Variants in RSF1 observed in about 807,000 individuals in gnomAD.
RSF1 encodes the protein HBV pX-associated protein 8.
Under a neutral mutation model 145.2 loss-of-function variants are expected in RSF1, and 13 were observed. The ratio of observed to expected loss-of-function variants is 0.09; its 90% CI spans 0.06 to 0.14. The LOEUF (loss-of-function observed/expected upper bound fraction) is 0.14. Ranked by LOEUF, RSF1 falls within the 10% of genes least tolerant of loss-of-function variation. RSF1 has a pLI of 1.00. For synonymous variants in RSF1, 577 were observed against 592.6 expected (o/e 0.97, Z 0.38); for missense variants, 1,517 against 1,718.2 (o/e 0.88, Z 2.07).
At chr11:77,803,459 T>C (rs530478606) in intron 1 of RSF1, among the ~76,000 whole-genome samples, 11 of 148,486 alleles carry the variant, frequency 7.4e-5, no homozygotes, top group African/African-American at 2.7e-4. Flanking sequence ...GAGTGAGTTC[T>C]ATCACAAAAC....
intron 1 of RSF1, among the ~76,000 whole-genome samples, chr11:77,768,648 C>T (rs1948251315): frequency 6.6e-6 from 1 of 151,960 alleles, no homozygotes. Flanking sequence ...TAGTGTAGAC[C>T]CAGCATGCTT....
chr11:77,869,287 G>A, the RSF1 span: 7 of 168,588 alleles, frequency 4.2e-5, no homozygotes, highest in Admixed American at 1.3e-4. Context: ...CTTGTTTCCC[G>A]GATTTCGTTT....
chr11:77,724,348 CA>C (rs1258535942), intron 5 of RSF1, among the ~76,000 whole-genome samples: 1 of 152,074 alleles, frequency 6.6e-6, no homozygotes, highest in Admixed American at 6.5e-5. Context: ...ACAGAATTAC[CA>C]TATATGATCC....
chr11:77,810,877 T>C (rs1273886937), intron 1 of RSF1, among the ~76,000 whole-genome samples: 2 of 152,212 alleles, frequency 1.3e-5, no homozygotes, highest in African/African-American at 4.8e-5. Flanking sequence ...GTAAATTTTT[T>C]TCTGTAAAGG....
chr11:77,840,438 A>T, the RSF1 span, among the ~76,000 whole-genome samples: 1 of 152,196 alleles, frequency 6.6e-6, no homozygotes, highest in African/African-American at 2.4e-5. Flanking sequence ...CTGAGGCAGG[A>T]TAATCACTTG....
intron 1 of RSF1, among the ~76,000 whole-genome samples, chr11:77,800,431 G>A (rs183922796): frequency 2.7e-3 from 413 of 152,270 alleles, no homozygotes; most frequent in African/African-American, 8.8e-3. Context: ...GGCAGAGGTT[G>A]CAGTGAGCTG....
chr11:77,829,978 T>C, the RSF1 span: 1 of 152,054 alleles, frequency 6.6e-6, no homozygotes, highest in Non-Finnish European at 1.5e-5. Context: ...CAAAATTCTT[T>C]TTTATAGCCA....
intron 15 of RSF1, among the ~76,000 whole-genome samples, chr11:77,671,043 T>G (rs1340668844): frequency 7.5e-6 from 1 of 133,316 alleles, no homozygotes; most frequent in East Asian, 2.4e-4. Flanking sequence ...GAGGCGGAGG[T>G]TGCAGTGAGC....
At chr11:77,805,108 A>C (rs1487954725) in intron 1 of RSF1, among the ~76,000 whole-genome samples, 2 of 152,234 alleles carry the variant, frequency 1.3e-5, no homozygotes, top group Non-Finnish European at 2.9e-5. Flanking sequence ...AATAAGTATC[A>C]AATCTCTGTA....
intron 5 of RSF1, among the ~76,000 whole-genome samples, chr11:77,705,252 C>T (rs906171848): frequency 2.6e-5 from 4 of 152,192 alleles, no homozygotes; most frequent in African/African-American, 9.6e-5. Context: ...TAAAAGAGCA[C>T]ATAAATGAGT....
intron 1 of RSF1, among the ~76,000 whole-genome samples, chr11:77,765,288 G>A (rs1259584012): frequency 6.6e-6 from 1 of 152,120 alleles, no homozygotes; most frequent in East Asian, 1.9e-4. Flanking sequence ...ATTCCAAGTT[G>A]ACAGATACGA....
At chr11:77,800,532 C>G (rs772190677) in intron 1 of RSF1, among the ~76,000 whole-genome samples, 4 of 152,060 alleles carry the variant, frequency 2.6e-5, no homozygotes, top group Non-Finnish European at 4.4e-5. Context: ...ACAAAGAAAG[C>G]CCAGTACCAG....
intron 9 of RSF1, among the ~76,000 whole-genome samples, chr11:77,685,865 T>C (rs1959990639): frequency 6.6e-6 from 1 of 152,184 alleles, no homozygotes; most frequent in Non-Finnish European, 1.5e-5. Context: ...GTATAAACAA[T>C]TATAAACTCA....
chr11:77,696,484 T>C (rs957014782), intron 7 of RSF1, among the ~76,000 whole-genome samples: 2 of 152,244 alleles, frequency 1.3e-5, no homozygotes, highest in South Asian at 2.1e-4. Flanking sequence ...CCTTAAGCAC[T>C]TGGCATAAGA....
intron 1 of RSF1, among the ~76,000 whole-genome samples, chr11:77,783,401 A>G (rs1948423566): frequency 6.6e-6 from 1 of 152,172 alleles, no homozygotes; most frequent in South Asian, 2.1e-4. Flanking sequence ...TCATCCGAAG[A>G]TGTTTCTTGT....
the RSF1 span, among the ~76,000 whole-genome samples, chr11:77,836,927 T>C: frequency 6.6e-6 from 1 of 152,100 alleles, no homozygotes; most frequent in Non-Finnish European, 1.5e-5. Context: ...ATCGCGCCAT[T>C]GCACTCCAGC....
At chr11:77,849,382 C>T in the RSF1 span, among the ~76,000 whole-genome samples, 10 of 151,890 alleles carry the variant, frequency 6.6e-5, no homozygotes, top group South Asian at 2.1e-4. Context: ...TGACCACGCC[C>T]GGCTAATTTC....
intron 1 of RSF1, among the ~76,000 whole-genome samples, chr11:77,769,686 T>C (rs191588514): frequency 2.6e-5 from 4 of 152,374 alleles, no homozygotes; most frequent in Admixed American, 2.0e-4. Flanking sequence ...TCTAAGCATC[T>C]TTCTAGCACC....
intron 4 of RSF1, among the ~76,000 whole-genome samples, chr11:77,729,266 G>C (rs1961136664): frequency 6.6e-6 from 1 of 152,158 alleles, no homozygotes; most frequent in African/African-American, 2.4e-5. Context: ...ATAGGGTTGA[G>C]CCAAGGAAAG....
Sources: allele counts gnomAD v4.1 joint callset (sites outside exome capture counted in the v4.1 genomes callset), GRCh38; gene constraint gnomAD v4.1.1; transcripts MANE v1.5; gene names NCBI Gene and HGNC (gene_info 2026-07-23, HGNC 2026-07-21).